The following PRUNE2 variants were observed in gnomAD, a reference collection of about 807,000 sequenced individuals.
The protein encoded by PRUNE2 is prune homolog 2 with BCH domain, also known as protein prune homolog 2.
A neutral mutation model predicts 252.0 loss-of-function variants in PRUNE2; 164 were observed. The observed-to-expected ratio is 0.65, with a 90% CI of 0.57 to 0.74. The LOEUF (loss-of-function observed/expected upper bound fraction) is 0.74. Ranked by LOEUF, PRUNE2 falls within the 30% of genes least tolerant of loss-of-function variation. The pLI is 0.00. For missense variants in PRUNE2, 3,495 were observed against 3,711.0 expected (o/e 0.94, Z 1.51); for synonymous variants, 1,292 against 1,350.2 (o/e 0.96, Z 0.94).
At chr9:76,827,438 T>C (rs2058409384) in intron 4 of PRUNE2, among the ~76,000 whole-genome samples, 1 of 152,112 alleles carries the variant, frequency 6.6e-6, no homozygotes. Context: ...AGGGAGGAGT[T>C]AGCACCCCAT....
chr9:76,711,430 AT>A (rs1172139494), intron 7 of PRUNE2, 72 bp from the exon 8 acceptor site: 1 of 872,934 alleles, frequency 1.1e-6, no homozygotes, highest in African/African-American at 1.7e-5. Flanking sequence ...TTTGCAATTT[AT>A]CTCGCTTAAT....
chr9:76,673,024 G>C (rs1176317942), intron 9 of PRUNE2, among the ~76,000 whole-genome samples: 5 of 151,256 alleles, frequency 3.3e-5, no homozygotes, highest in Non-Finnish European at 5.9e-5. Context: ...ACATTCAAAA[G>C]CTAGCAGAAG....
intron 9 of PRUNE2, among the ~76,000 whole-genome samples, chr9:76,687,993 T>C (rs1275589996): frequency 6.6e-6 from 1 of 152,188 alleles, no homozygotes; most frequent in African/African-American, 2.4e-5. Context: ...ACTCTCCTGT[T>C]CTTTTTCTTC....
At chr9:76,837,224 A>C (rs1564405611) in intron 4 of PRUNE2, among the ~76,000 whole-genome samples, 1 of 152,098 alleles carries the variant, frequency 6.6e-6, no homozygotes. Context: ...CGGGCGGATC[A>C]CAAGGTGAAG....
At chr9:76,660,032 G>A (rs1033020997) in intron 9 of PRUNE2, among the ~76,000 whole-genome samples, 1 of 152,010 alleles carries the variant, frequency 6.6e-6, no homozygotes, top group African/African-American at 2.4e-5. Context: ...AAAAATACAA[G>A]AAATGCTATA....
At chr9:76,827,046 G>C (rs961601818) in intron 4 of PRUNE2, among the ~76,000 whole-genome samples, 1 of 152,114 alleles carries the variant, frequency 6.6e-6, no homozygotes, top group African/African-American at 2.4e-5. Flanking sequence ...AAAAAGATAT[G>C]CATTGGTCTT....
chr9:76,789,655 C>T (rs890537566), intron 6 of PRUNE2, among the ~76,000 whole-genome samples: 4 of 152,148 alleles, frequency 2.6e-5, no homozygotes, highest in African/African-American at 7.2e-5. Context: ...CAAGCATCCC[C>T]GCAAGGTTTC....
intron 9 of PRUNE2, among the ~76,000 whole-genome samples, chr9:76,693,988 G>A (rs975219400): frequency 4.6e-5 from 7 of 152,134 alleles, no homozygotes; most frequent in African/African-American, 1.7e-4. Context: ...CAAATCATTA[G>A]GGGAGAAAAA....
intron 9 of PRUNE2, among the ~76,000 whole-genome samples, chr9:76,695,114 C>T (rs1344137578): frequency 2.6e-5 from 4 of 152,172 alleles, no homozygotes; most frequent in African/African-American, 4.8e-5. Flanking sequence ...CAGCCCACTG[C>T]GATCTCCATC....
intron 1 of PRUNE2, among the ~76,000 whole-genome samples, chr9:76,858,422 G>A (rs1385389030): frequency 6.6e-6 from 1 of 152,178 alleles, no homozygotes; most frequent in Non-Finnish European, 1.5e-5. Context: ...GGAATACTAT[G>A]CAGCCATAAA....
At chr9:76,679,986 C>A (rs1411965069) in intron 9 of PRUNE2, among the ~76,000 whole-genome samples, 1 of 151,958 alleles carries the variant, frequency 6.6e-6, no homozygotes, top group Non-Finnish European at 1.5e-5. Flanking sequence ...AAAGCATAGG[C>A]AACAAAAGAA....
intron 6 of PRUNE2, among the ~76,000 whole-genome samples, chr9:76,806,773 C>T (rs1341436627): frequency 1.3e-5 from 2 of 151,792 alleles, no homozygotes; most frequent in Non-Finnish European, 2.9e-5. Context: ...CTGCCTTAGC[C>T]TCCCAAAGTG....
At chr9:76,774,468 T>A (rs868232450) in intron 6 of PRUNE2, among the ~76,000 whole-genome samples, 20 of 144,598 alleles carry the variant, frequency 1.4e-4, no homozygotes, top group Admixed American at 1.4e-4. Context: ...TTTTTTTTTT[T>A]TTTTTTTTTG....
intron 1 of PRUNE2, chr9:76,862,006 CATGCTTTT>C (rs2060579495): frequency 2.6e-5 from 4 of 152,218 alleles, no homozygotes; most frequent in Admixed American, 2.6e-4. Context: ...TGGGGAGATG[CATGCTTTT>C]ATTACCCACT....
Position 76,713,709 on chromosome 9 carries a change from G to C in PRUNE2, c.769C>G (p.His257Asp). ...TTCAAGTCACTGGTAATATTGCTGT[G>C]AAATAGACAATTCTGAAACGACAAC... The part of the protein sequence containing the change: ...VSMNLENCLF[H>D]SNITSDLKAF... Residue 257 changes from histidine to aspartate, a missense_variant, in exon 7 of 19, where the codon CAC becomes GAC. Physicochemically the swap from His to Asp is moderately conservative, Grantham distance 81. Coordinates refer to ENST00000376718, the MANE Select transcript of PRUNE2 (RefSeq NM_015225.3). 1 of 1,594,324 alleles carries C rather than the reference G, an allele frequency of 6.3e-7. No homozygotes were observed. The highest frequency in any genetic ancestry group is 1.3e-5 in the African/African-American group (1 of 74,796).
At chr9:76,647,796 T>C (rs1373996906) in intron 11 of PRUNE2, among the ~76,000 whole-genome samples, 2 of 152,042 alleles carry the variant, frequency 1.3e-5, no homozygotes, top group Non-Finnish European at 1.5e-5. Flanking sequence ...ACCCTGTTTC[T>C]ACTAAAATAC....
chr9:76,621,561 C>T (rs955671583), intron 17 of PRUNE2, among the ~76,000 whole-genome samples: 2 of 152,182 alleles, frequency 1.3e-5, no homozygotes, highest in Non-Finnish European at 2.9e-5. Flanking sequence ...AAAGCAAGAG[C>T]ATAGACCTCC....
intron 1 of PRUNE2, among the ~76,000 whole-genome samples, chr9:76,882,013 C>T (rs2133308341): frequency 6.6e-6 from 1 of 152,142 alleles, no homozygotes; most frequent in African/African-American, 2.4e-5. Context: ...TGAGGTTCAG[C>T]AACATTGTAC....
intron 4 of PRUNE2, among the ~76,000 whole-genome samples, chr9:76,833,372 G>A (rs539236217): frequency 1.3e-5 from 2 of 152,142 alleles, no homozygotes; most frequent in Non-Finnish European, 1.5e-5. Context: ...ATATCAAGTA[G>A]TAAAACTACT....
Sources: gnomAD v4.1 joint callset for allele counts (sites outside exome capture counted in the v4.1 genomes callset) on GRCh38, gnomAD v4.1.1 for gene constraint, MANE v1.5 for transcripts, NCBI Gene and HGNC (gene_info 2026-07-23, HGNC 2026-07-21) for gene names.